Variants in HDAC9 observed in about 807,000 individuals in gnomAD.
HDAC9 encodes histone deacetylase 9.
In HDAC9, 41 loss-of-function variants were observed where a neutral mutation model predicts 139.4. The observed-to-expected ratio is 0.29, with a 90% CI of 0.23 to 0.38. The LOEUF is 0.38. Ranked by LOEUF, HDAC9 falls within the 10% of genes least tolerant of loss-of-function variation. The pLI is 1.00. For missense variants in HDAC9, 1,147 were observed against 1,297.0 expected (o/e 0.88, Z 1.78); for synonymous variants, 517 against 476.2 (o/e 1.09, Z -1.12).
chr7:18,641,201 G>A (rs1785495375), intron 8 of HDAC9, among the ~76,000 whole-genome samples: 2 of 151,996 alleles, frequency 1.3e-5, no homozygotes, highest in Admixed American at 6.6e-5. Context: ...CATGTGTTTT[G>A]TATTCATTTG....
chr7:18,668,115 T>G (rs1296101263), intron 12 of HDAC9: 7 of 904,144 alleles, frequency 7.7e-6, no homozygotes, highest in Non-Finnish European at 9.3e-6. Context: ...TTAAAAATAT[T>G]TCTTTAAAAA....
rs1456038858 is a variant in HDAC9 at position 18,375,028 on chromosome 7, A to C, written c.-42+84513A>C. Among the ~76,000 whole-genome samples the C allele has an allele frequency of 4.6e-5, 7 of 150,920 alleles. No homozygotes were observed. In the East Asian group the frequency reaches 1.4e-3, roughly 29 times the overall value. On this transcript the variant is annotated intron_variant, in intron 1 of 3. Transcript: ENST00000413509. ...CATATCACTTGATAATAATTATGTT[A>C]CTGGTTTATGTATTTACTATACTAT...
chr7:18,760,873 T>A (rs1382664207), intron 14 of HDAC9, among the ~76,000 whole-genome samples: 8 of 152,186 alleles, frequency 5.3e-5, no homozygotes, highest in African/African-American at 1.9e-4. Flanking sequence ...CACATTAACA[T>A]TGAAGAGTCT....
At chr7:18,380,112 T>G (rs554884710) in intron 1 of HDAC9, among the ~76,000 whole-genome samples, 5 of 152,340 alleles carry the variant, frequency 3.3e-5, no homozygotes, top group African/African-American at 1.2e-4. Flanking sequence ...GTATCAAATT[T>G]TACTTTAAAA....
chr7:18,779,647 A>G (rs1435049356), intron 16 of HDAC9, among the ~76,000 whole-genome samples: 1 of 152,032 alleles, frequency 6.6e-6, no homozygotes, highest in Non-Finnish European at 1.5e-5. Flanking sequence ...TTATCTATGA[A>G]ATAGGGCTAA....
chr7:18,562,590 A>C (rs533723891), intron 2 of HDAC9, among the ~76,000 whole-genome samples: 1 of 152,132 alleles, frequency 6.6e-6, no homozygotes, highest in Non-Finnish European at 1.5e-5. Flanking sequence ...TCTGGATTCT[A>C]ATTTCTATAC....
chr7:18,633,664 G>T (rs1782994317), intron 7 of HDAC9, among the ~76,000 whole-genome samples: 1 of 152,092 alleles, frequency 6.6e-6, no homozygotes, highest in Non-Finnish European at 1.5e-5. Context: ...TTTGTGCAGA[G>T]TTGGGTTGAC....
At chr7:18,587,402 T>G (rs911591162) in intron 3 of HDAC9, among the ~76,000 whole-genome samples, 3 of 152,200 alleles carry the variant, frequency 2.0e-5, no homozygotes, top group Non-Finnish European at 4.4e-5. Flanking sequence ...AAAGACATAA[T>G]TAATATTACT....
chr7:18,293,933 C>T (rs944775058), intron 1 of HDAC9, among the ~76,000 whole-genome samples: 2 of 152,068 alleles, frequency 1.3e-5, no homozygotes, highest in African/African-American at 2.4e-5. Context: ...GATTTAAATG[C>T]TTGATTTAAT....
At chr7:18,098,298 T>C (rs1465081425) in intron 1 of HDAC9, among the ~76,000 whole-genome samples, 3 of 152,238 alleles carry the variant, frequency 2.0e-5, no homozygotes, top group African/African-American at 7.2e-5. Flanking sequence ...AACCTCAGTA[T>C]TGGGTATATT....
At chr7:18,377,547 G>C (rs539892876) in intron 1 of HDAC9, among the ~76,000 whole-genome samples, 3 of 152,256 alleles carry the variant, frequency 2.0e-5, no homozygotes, top group African/African-American at 7.2e-5. Flanking sequence ...CACTTGATAT[G>C]TTGAAGCTAA....
At chr7:18,859,767 T>G (rs1196050456) in intron 21 of HDAC9, among the ~76,000 whole-genome samples, 1 of 141,916 alleles carries the variant, frequency 7.0e-6, no homozygotes, top group Non-Finnish European at 1.5e-5. Context: ...CTACAAAGCT[T>G]CTTTTTCTCT....
intron 1 of HDAC9, among the ~76,000 whole-genome samples, chr7:18,479,030 T>C (rs963585790): frequency 6.6e-6 from 1 of 152,242 alleles, no homozygotes; most frequent in South Asian, 2.1e-4. Flanking sequence ...CATTTTTGAT[T>C]CATTAAATTC....
intron 25 of HDAC9, among the ~76,000 whole-genome samples, chr7:18,977,850 A>T (rs1339118340): frequency 1.3e-5 from 2 of 151,850 alleles, no homozygotes; most frequent in African/African-American, 4.8e-5. Flanking sequence ...GGAAAAGAAG[A>T]ATTCTTCTAG....
intron 2 of HDAC9, among the ~76,000 whole-genome samples, chr7:18,212,212 A>G (rs959758374): frequency 3.3e-5 from 5 of 152,148 alleles, no homozygotes; most frequent in Admixed American, 6.6e-5. Flanking sequence ...AGAAGAAAAA[A>G]TCTTCTTTAT....
At chr7:18,914,484 T>A (rs1803016849) in intron 22 of HDAC9, among the ~76,000 whole-genome samples, 1 of 151,890 alleles carries the variant, frequency 6.6e-6, no homozygotes, top group Non-Finnish European at 1.5e-5. Flanking sequence ...TAATAGCAAA[T>A]ATAGTAAAAT....
intron 2 of HDAC9, among the ~76,000 whole-genome samples, chr7:18,185,945 T>A (rs1206155990): frequency 5.3e-5 from 8 of 152,228 alleles, no homozygotes; most frequent in Admixed American, 5.2e-4. Context: ...AACTGGGATA[T>A]CACATATTGC....
chr7:18,561,975 G>A lies in HDAC9; in HGVS notation c.23-23306G>A, dbSNP rs138840491. On this transcript the variant is annotated intron_variant, in intron 2 of 25. Coordinates refer to ENST00000686413, the MANE Select transcript of HDAC9 (RefSeq NM_178425.4). ...TCTAGCAGTGGAGTTTTGCTGGCTCGTAAGTACTTGCCAACACTTCTTATA... is the reference window on the plus strand; with the variant it reads ...TCTAGCAGTGGAGTTTTGCTGGCTCATAAGTACTTGCCAACACTTCTTATA... 8.7e-3 allele frequency among the ~76,000 whole-genome samples: 1,319 copies of A among 152,204 alleles called. 7 individuals carry two copies. The highest frequency in any genetic ancestry group is 0.014 in the Middle Eastern group (4 of 294).
intron 1 of HDAC9, among the ~76,000 whole-genome samples, chr7:18,475,118 C>CCTA (rs1315390323): frequency 6.6e-6 from 1 of 152,148 alleles, no homozygotes; most frequent in Non-Finnish European, 1.5e-5. Flanking sequence ...GAATCCTTTG[C>CCTA]CTAACAGAGC....
Sources: gnomAD v4.1 joint callset for allele counts (sites outside exome capture counted in the v4.1 genomes callset) on GRCh38, gnomAD v4.1.1 for gene constraint, MANE v1.5 for transcripts, NCBI Gene and HGNC (gene_info 2026-07-23, HGNC 2026-07-21) for gene names.